Variants in CACNG8 observed in about 807,000 individuals in gnomAD.
CACNG8 encodes the protein calcium voltage-gated channel auxiliary subunit gamma 8, also known as voltage-dependent calcium channel gamma-8 subunit.
CACNG8 carries 5 observed loss-of-function variants against 26.9 expected under a neutral mutation model. The observed-to-expected ratio is 0.19, with a 90% CI of 0.10 to 0.39. The LOEUF (loss-of-function observed/expected upper bound fraction) is 0.39. CACNG8 is among the 10% of genes least tolerant of loss of function. The pLI is 1.00. For missense variants in CACNG8, 473 were observed against 609.4 expected (o/e 0.78, Z 2.36); for synonymous variants, 321 against 296.7 (o/e 1.08, Z -0.84).
intron 1 of CACNG8, among the ~76,000 whole-genome samples, chr19:53,965,875 G>A (rs1002002213): frequency 1.4e-4 from 21 of 152,090 alleles, no homozygotes; most frequent in Admixed American, 2.0e-4. Context: ...TCACAGGTCT[G>A]AAGGAAGTAA....
intron 3 of CACNG8, 129 bp from the exon 4 acceptor site, chr19:53,981,951 C>T: frequency 1.0e-6 from 1 of 961,786 alleles, no homozygotes; most frequent in Non-Finnish European, 1.4e-6. Context: ...CTAGACCACT[C>T]GGGGTGGGGC....
intron 1 of CACNG8, among the ~76,000 whole-genome samples, chr19:53,967,592 T>C (rs973477047): frequency 2.0e-5 from 3 of 152,164 alleles, no homozygotes; most frequent in African/African-American, 7.2e-5. Flanking sequence ...CCCAGCACTT[T>C]GGGAGGCCAA....
In CACNG8 at chr19:53,988,581, C is replaced by T. The variant is rs1441917227; in HGVS notation, c.*5732C>T. 7.0e-6 allele frequency: 1 copy of T among 142,402 alleles called. No individual in the cohort carries two copies. Among genetic ancestry groups the T allele is most frequent in the African/African-American group, 2.6e-5 (1 of 37,972 alleles). 8.8% of individuals were successfully genotyped at this position (142,402 alleles called of 1,614,324 possible). On this transcript the variant is annotated 3_prime_UTR_variant, in exon 4 of 4. Transcript: ENST00000270458. Reference sequence around the variant, plus strand: ...CACCACTGCACTCTAGCCTGGGTGACAGAGCAAGACTCTGTCTCAAAAAAG... The same window carrying T: ...CACCACTGCACTCTAGCCTGGGTGATAGAGCAAGACTCTGTCTCAAAAAAG...
intron 1 of CACNG8, among the ~76,000 whole-genome samples, chr19:53,969,512 G>A (rs533429250): frequency 1.3e-5 from 2 of 150,910 alleles, no homozygotes. Context: ...TCTCACCCCC[G>A]GCCTCTCAAC....
chr19:53,977,788 A>G (rs1171912644), intron 1 of CACNG8, among the ~76,000 whole-genome samples: 2 of 152,138 alleles, frequency 1.3e-5, no homozygotes, highest in African/African-American at 4.8e-5. Context: ...CTATTATTGA[A>G]GCCAACAACA....
At chr19:53,979,767 T>G in intron 2 of CACNG8, 100 bp from the exon 3 acceptor site, 1 of 1,285,364 alleles carries the variant, frequency 7.8e-7, no homozygotes, top group Non-Finnish European at 1.1e-6. Flanking sequence ...CACAGAACTG[T>G]CGGGAGGCGC....
In CACNG8 at chr19:53,982,716, T is replaced by C; in HGVS notation, c.1145T>C (p.Val382Ala). Residue 382 changes from valine (V) to alanine (A), a missense_variant, in exon 4 of 4, where the codon GTC becomes GCC. Transcript: ENST00000270458. The surrounding 1 kb of genome is among the most constrained non-coding windows in gnomAD (Gnocchi z 8.4). ...AAGGAGGCGGGCGGCGGCGTCACGGTCACGGTCACCGGGCCGCCCGCCCCG... is the reference window on the plus strand; with the variant it reads ...AAGGAGGCGGGCGGCGGCGTCACGGCCACGGTCACCGGGCCGCCCGCCCCG... 2 of 1,166,970 alleles carry C rather than the reference T, an allele frequency of 1.7e-6. No individual in the cohort carries two copies. Among genetic ancestry groups the C allele is most frequent in the Non-Finnish European group, 2.1e-6 (2 of 952,432 alleles). The allele number at this position is 1,166,970 out of a possible 1,614,324, so 72.3% of individuals were successfully genotyped here.
Position 53,988,483 on chromosome 19 carries a change from C to T in CACNG8, c.*5634C>T, listed in dbSNP as rs2069420881. ...GGTGCGGTGGTGCACACCTGTAATCCCAGCTACTTGAGAGGCTGAAGCAGG... is the reference window on the plus strand; with the variant it reads ...GGTGCGGTGGTGCACACCTGTAATCTCAGCTACTTGAGAGGCTGAAGCAGG... On this transcript the variant is annotated 3_prime_UTR_variant, in exon 4 of 4. Transcript: ENST00000270458. The T allele has an allele frequency of 6.6e-6, 1 of 151,760 alleles. No individual in the cohort carries two copies. Among genetic ancestry groups the T allele is most frequent in the South Asian group, 2.1e-4 (1 of 4,798 alleles). 9.4% of individuals were successfully genotyped at this position (151,760 alleles called of 1,614,324 possible). A position where few individuals can be genotyped will look rare whatever the true frequency, so the allele number is the denominator to read the frequency against.
In CACNG8 at chr19:53,963,064, C is replaced by T. The variant is rs574177901; in HGVS notation, c.-79C>T. On this transcript the variant is annotated 5_prime_UTR_variant, in exon 1 of 4. Transcript: ENST00000270458. ...CCCCCGCTTCTGCCTGCGCTGTGAA[C>T]CCCCCCCCAGCCGCCGGCACGGCCC... The T allele has an allele frequency of 0.011, 5,583 of 491,492 alleles. 37 individuals carry two copies. Among genetic ancestry groups the T allele is most frequent in the Non-Finnish European group, 0.014 (4,790 of 340,104 alleles). The allele number at this position is 491,492 out of a possible 1,614,324, so 30.4% of individuals were successfully genotyped here.
In CACNG8 at chr19:53,982,917, C is replaced by T. The variant is rs1216349595; in HGVS notation, c.*68C>T. ...GCGGGCGCGCGTGCATCGAGGCTGC[C>T]GGGGTCGGGGGCGCCCCCGCTTTCC... On this transcript the variant is annotated 3_prime_UTR_variant, in exon 4 of 4. Coordinates refer to ENST00000270458, the MANE Select transcript of CACNG8 (RefSeq NM_031895.6). The surrounding 1 kb of genome is among the most constrained non-coding windows in gnomAD (Gnocchi z 8.4). 5.5e-6 allele frequency: 6 copies of T among 1,097,576 alleles called. No homozygotes were observed. Among genetic ancestry groups the T allele is most frequent in the East Asian group, 4.3e-5 (1 of 23,296 alleles). 68.0% of individuals were successfully genotyped at this position (1,097,576 alleles called of 1,614,324 possible). A position where few individuals can be genotyped will look rare whatever the true frequency, so the allele number is the denominator to read the frequency against.
chr19:53,969,016 G>A (rs2069287060), intron 1 of CACNG8, among the ~76,000 whole-genome samples: 1 of 151,874 alleles, frequency 6.6e-6, no homozygotes, highest in Non-Finnish European at 1.5e-5. Flanking sequence ...TATTAATTTT[G>A]TTTTCGAGAC....
Position 53,983,000 on chromosome 19 carries a change from T to G in CACNG8, c.*151T>G. 7 of 323,590 alleles carry G rather than the reference T, an allele frequency of 2.2e-5. No individual in the cohort carries two copies. Among genetic ancestry groups the G allele is most frequent in the African/African-American group, 4.8e-5 (2 of 41,608 alleles). The allele number at this position is 323,590 out of a possible 1,614,324, so 20.0% of individuals were successfully genotyped here. ...CCCACGCCCACCCTCCCCGCCCCCC[T>G]CCCCCTCCGAAGCAGGGACCCCGAG... On this transcript the variant is annotated 3_prime_UTR_variant, in exon 4 of 4. Transcript: ENST00000270458. This position sits in a 1 kb window ranked among gnomAD's most constrained non-coding sequence, Gnocchi z 8.4.
In CACNG8 at chr19:53,987,100, GCT is replaced by G. The variant is rs1198475418; in HGVS notation, c.*4254_*4255del. 6.6e-6 allele frequency: 1 copy of G among 152,186 alleles called. No individual in the cohort carries two copies. Among genetic ancestry groups the G allele is most frequent in the African/African-American group, 2.4e-5 (1 of 41,442 alleles). The allele number at this position is 152,186 out of a possible 1,614,324, so 9.4% of individuals were successfully genotyped here. A position where few individuals can be genotyped will look rare whatever the true frequency, so the allele number is the denominator to read the frequency against. On this transcript the variant is annotated 3_prime_UTR_variant, in exon 4 of 4. Coordinates refer to ENST00000270458, the MANE Select transcript of CACNG8 (RefSeq NM_031895.6). ...TATATTTATTTTGAAAAAGAGTCTT[GCT>G]CTGTCTCAGGCTGGAGTCCAGTGGG...
chr19:53,966,132 A>C (rs986332012), intron 1 of CACNG8, among the ~76,000 whole-genome samples: 5 of 151,966 alleles, frequency 3.3e-5, no homozygotes, highest in Non-Finnish European at 7.4e-5. Context: ...TTGTCACCCA[A>C]GCTGTAGTGC....
At chr19:53,977,225 T>C (rs1244721777) in intron 1 of CACNG8, among the ~76,000 whole-genome samples, 1 of 152,152 alleles carries the variant, frequency 6.6e-6, no homozygotes, top group Non-Finnish European at 1.5e-5. Context: ...CTCAAGAAGG[T>C]GCCTCCTGAG....
chr19:53,979,928 T>G lies in CACNG8; in HGVS notation c.429T>G (p.Gly143=). The stretch of plus-strand genomic sequence containing the variant: ...GCGCCATCCTGCTGCTGCTCGGGGG[T>G]GTGTGCGTGGCGGCCTCCCGCGTCT... Residue 143 remains glycine, a synonymous_variant, in exon 3 of 4, where the codon GGT becomes GGG. Coordinates refer to ENST00000270458, the MANE Select transcript of CACNG8 (RefSeq NM_031895.6). 2 of 1,612,626 alleles carry G rather than the reference T, an allele frequency of 1.2e-6. No homozygotes were observed. Among genetic ancestry groups the G allele is most frequent in the Non-Finnish European group, 8.5e-7 (1 of 1,179,420 alleles).
At chr19:53,978,343 CG>C in intron 2 of CACNG8, 114 bp downstream of exon 2, 1 of 730,934 alleles carries the variant, frequency 1.4e-6, no homozygotes, top group Admixed American at 2.3e-5. Context: ...ATCGACACGC[CG>C]AGGTTAGCCT....
chr19:53,980,328 G>T (rs961361458), intron 3 of CACNG8, among the ~76,000 whole-genome samples: 5 of 152,100 alleles, frequency 3.3e-5, no homozygotes, highest in Admixed American at 3.3e-4. Context: ...GGAAGGGGAG[G>T]AGCTGGGGAG....
rs369320889 is a variant in CACNG8 at position 53,963,194 on chromosome 19, G to C, written c.52G>C (p.Gly18Arg). 3.3e-5 allele frequency: 52 copies of C among 1,594,360 alleles called. No homozygotes were observed. Among genetic ancestry groups the C allele is most frequent in the Middle Eastern group, 1.7e-4 (1 of 5,814 alleles). Residue 18 changes from glycine to arginine, a missense_variant, in exon 1 of 4, where the codon GGG (glycine) becomes CGG (arginine). Around this residue, in one of 6 missense-constraint regions of CACNG8, gnomAD observed 26 missense variants for 23.8 expected, o/e 1.09. Transcript: ENST00000270458. ...AGAGCGGGGCCTCTGGTGCGAGAAGGGGGTGCAGGTGCTGCTGACGACGGT... is the reference window on the plus strand; with the variant it reads ...AGAGCGGGGCCTCTGGTGCGAGAAGCGGGTGCAGGTGCTGCTGACGACGGT...
Sources: gnomAD v4.1 joint callset for allele counts (sites outside exome capture counted in the v4.1 genomes callset) on GRCh38, gnomAD v4.1.1 for gene constraint, gnomAD v4.1.1 regional missense constraint, Gnocchi (gnomAD v3.1) non-coding constraint, MANE v1.5 for transcripts, NCBI Gene and HGNC (gene_info 2026-07-23, HGNC 2026-07-21) for gene names.